The following DISC1 variants were observed in gnomAD, a reference collection of about 807,000 sequenced individuals.
DISC1 encodes disrupted in schizophrenia 1 protein.
DISC1 carries 57 observed loss-of-function variants against 84.5 expected under a neutral mutation model. The ratio of observed to expected loss-of-function variants is 0.67; its 90% CI spans 0.55 to 0.84. The LOEUF is 0.84. DISC1 is among the 40% of genes least tolerant of loss of function. The pLI is 0.00. For missense variants in DISC1, 1,000 were observed against 1,057.8 expected, an observed-to-expected ratio of 0.95 and a Z score of 0.76; for synonymous variants, 411 against 415.2, an observed-to-expected ratio of 0.99 and a Z score of 0.12.
intron 1 of DISC1, among the ~76,000 whole-genome samples, chr1:231,642,026 C>A (rs1189895946): frequency 6.6e-6 from 1 of 152,196 alleles, no homozygotes; most frequent in Non-Finnish European, 1.5e-5. Flanking sequence ...GAGGCTCGGG[C>A]TGCACAGGAG....
At chr1:231,957,355 C>A (rs1659695379) in intron 9 of DISC1, among the ~76,000 whole-genome samples, 1 of 151,304 alleles carries the variant, frequency 6.6e-6, no homozygotes. Flanking sequence ...TCTACAGCCC[C>A]TTTTCACTTG....
chr1:231,662,952 A>T (rs1186468673), intron 1 of DISC1, among the ~76,000 whole-genome samples: 1 of 152,196 alleles, frequency 6.6e-6, no homozygotes, highest in Non-Finnish European at 1.5e-5. Context: ...AAGTCCTTCC[A>T]TATTAGTAAT....
At chr1:231,955,356 A>G (rs1032804911) in intron 9 of DISC1, among the ~76,000 whole-genome samples, 4 of 152,172 alleles carry the variant, frequency 2.6e-5, no homozygotes, top group Admixed American at 1.3e-4. Context: ...AACTTCTGAA[A>G]TTTAACAAAT....
chr1:231,829,456 C>T (rs2082071020), intron 9 of DISC1, among the ~76,000 whole-genome samples: 1 of 152,128 alleles, frequency 6.6e-6, no homozygotes, highest in African/African-American at 2.4e-5. Flanking sequence ...CCTCCACCTC[C>T]TGGGCTCAAG....
At chr1:231,862,051 T>C (rs777493258) in intron 9 of DISC1, among the ~76,000 whole-genome samples, 1 of 152,236 alleles carries the variant, frequency 6.6e-6, no homozygotes, top group Non-Finnish European at 1.5e-5. Context: ...CACAAAATTC[T>C]TGAAAGTTTA....
intron 3 of DISC1, among the ~76,000 whole-genome samples, chr1:231,719,818 A>G (rs199556258): frequency 5.3e-5 from 8 of 152,226 alleles, no homozygotes; most frequent in Non-Finnish European, 8.8e-5. Context: ...TGTTGAGAGT[A>G]GAGAGAAACC....
intron 9 of DISC1, among the ~76,000 whole-genome samples, chr1:231,904,949 G>C (rs1205327469): frequency 6.6e-6 from 1 of 152,084 alleles, no homozygotes; most frequent in Admixed American, 6.5e-5. Flanking sequence ...GAATAAGATA[G>C]AAAAATCTTG....
chr1:232,018,159 G>T (rs1342179517), intron 11 of DISC1, among the ~76,000 whole-genome samples: 1 of 152,132 alleles, frequency 6.6e-6, no homozygotes, highest in Non-Finnish European at 1.5e-5. Flanking sequence ...ATTCAGAATA[G>T]AAATAATAAA....
Position 231,626,905 on chromosome 1 carries a change from CCGG to C in DISC1, c.50_52del (p.Gly17del), listed in dbSNP as rs775477136. ...GGTCCTCAGGGCGCCCCAGCCGCCGCCGGCGGCGGCGGCGTGAGCCACCGCGCA... is the reference window on the plus strand; with the variant it reads ...GGTCCTCAGGGCGCCCCAGCCGCCGCCGGCGGCGGCGTGAGCCACCGCGCA... On this transcript the variant is annotated inframe_deletion, in exon 1 of 13. Coordinates refer to ENST00000439617, the MANE Select transcript of DISC1 (RefSeq NM_018662.3). The C allele has an allele frequency of 1.8e-5, 27 of 1,502,088 alleles. No homozygotes were observed. Among genetic ancestry groups the C allele is most frequent in the Middle Eastern group, 2.2e-4 (1 of 4,498 alleles). 93.0% of individuals were successfully genotyped at this position (1,502,088 alleles called of 1,614,324 possible).
chr1:231,957,041 C>T (rs1251371562), intron 9 of DISC1, among the ~76,000 whole-genome samples: 2 of 152,210 alleles, frequency 1.3e-5, no homozygotes, highest in African/African-American at 4.8e-5. Flanking sequence ...GTCTTTACCT[C>T]TTGATAGGGA....
intron 9 of DISC1, among the ~76,000 whole-genome samples, chr1:231,921,547 T>G (rs1171989507): frequency 4.4e-5 from 3 of 68,844 alleles, no homozygotes; most frequent in Non-Finnish European, 7.6e-5. Flanking sequence ...TATGAATATA[T>G]TTATAATATG....
At chr1:231,833,467 A>G (rs1178010107) in intron 9 of DISC1, among the ~76,000 whole-genome samples, 1 of 151,806 alleles carries the variant, frequency 6.6e-6, no homozygotes, top group Admixed American at 6.5e-5. Flanking sequence ...TGGCAGTGTC[A>G]GTCTTCAGCT....
intron 3 of DISC1, among the ~76,000 whole-genome samples, chr1:231,711,818 A>G (rs1464185126): frequency 6.6e-6 from 1 of 151,884 alleles, no homozygotes; most frequent in African/African-American, 2.4e-5. Context: ...ATTCTTTCAA[A>G]CCTCTTGTTT....
intron 9 of DISC1, among the ~76,000 whole-genome samples, chr1:231,891,239 CT>C (rs2087187909): frequency 6.6e-6 from 1 of 152,058 alleles, no homozygotes; most frequent in South Asian, 2.1e-4. Context: ...AAAAAAAAAT[CT>C]CATAATATTT....
intron 1 of DISC1, among the ~76,000 whole-genome samples, chr1:231,670,165 C>T (rs1348437765): frequency 2.0e-5 from 3 of 152,036 alleles, no homozygotes; most frequent in Admixed American, 2.0e-4. Flanking sequence ...ATGGTGAGAA[C>T]ACATGGACAT....
At chr1:231,813,102 G>A (rs1188870500) in intron 8 of DISC1, 2 of 152,192 alleles carry the variant, frequency 1.3e-5, no homozygotes, top group Admixed American at 1.3e-4. Flanking sequence ...CTGGTCTCTC[G>A]AGCTTGCAGT....
intron 3 of DISC1, chr1:231,721,056 C>CT (rs756143079): frequency 7.7e-7 from 1 of 1,290,928 alleles, no homozygotes; most frequent in South Asian, 1.2e-5. Context: ...CTTTTCCCAG[C>CT]TTTTTTCCAG....
At chr1:231,882,021 T>C (rs998758999) in intron 9 of DISC1, among the ~76,000 whole-genome samples, 8 of 152,194 alleles carry the variant, frequency 5.3e-5, no homozygotes, top group Admixed American at 2.0e-4. Context: ...CGCCCAGGCT[T>C]GCCAGCCCAT....
chr1:231,760,213 T>C (rs951595176), intron 4 of DISC1, among the ~76,000 whole-genome samples: 2 of 152,204 alleles, frequency 1.3e-5, no homozygotes, highest in Non-Finnish European at 2.9e-5. Flanking sequence ...TTACCTGTAT[T>C]GTCTCTGGCA....
Sources: allele counts gnomAD v4.1 joint callset (sites outside exome capture counted in the v4.1 genomes callset), GRCh38; gene constraint gnomAD v4.1.1; transcripts MANE v1.5; gene names NCBI Gene and HGNC (gene_info 2026-07-23, HGNC 2026-07-21).